Variants in CNTNAP2 observed in about 807,000 individuals in gnomAD.
CNTNAP2 encodes the protein contactin associated protein 2, also known as contactin-associated protein-like 2.
Under a neutral mutation model 155.2 loss-of-function variants are expected in CNTNAP2, and 98 were observed. That is an observed-to-expected ratio of 0.63 (90% CI 0.54 to 0.75). CNTNAP2 has a LOEUF of 0.75. Among genes scored for constraint, CNTNAP2 ranks in the 30% least tolerant of loss-of-function variants. The pLI, the probability that CNTNAP2 is intolerant of heterozygous loss-of-function variation, is 0.00. For synonymous variants in CNTNAP2, 651 were observed against 631.2 expected (o/e 1.03, Z -0.47); for missense variants, 1,727 against 1,688.1 (o/e 1.02, Z -0.40).
At chr7:148,052,521 A>C (rs1802913136) in intron 15 of CNTNAP2, among the ~76,000 whole-genome samples, 1 of 152,236 alleles carries the variant, frequency 6.6e-6, no homozygotes, top group African/African-American at 2.4e-5. Context: ...GCAATTTTGC[A>C]AGACAGATCA....
chr7:147,887,198 G>A (rs1035580985), intron 13 of CNTNAP2, among the ~76,000 whole-genome samples: 17 of 152,306 alleles, frequency 1.1e-4, no homozygotes, highest in African/African-American at 3.1e-4. Flanking sequence ...AAGGCCAGGC[G>A]TGGTGGCTCA....
intron 10 of CNTNAP2, among the ~76,000 whole-genome samples, chr7:147,446,691 G>A (rs1435191751): frequency 1.3e-5 from 2 of 152,212 alleles, no homozygotes; most frequent in African/African-American, 4.8e-5. Context: ...CATACAGTGA[G>A]TATTCAGTTA....
chr7:148,094,594 G>A (rs949998881), intron 15 of CNTNAP2, among the ~76,000 whole-genome samples: 3 of 152,210 alleles, frequency 2.0e-5, no homozygotes, highest in African/African-American at 7.2e-5. Context: ...GATAACAGAG[G>A]ATGACTGGAG....
At chr7:146,972,110 C>T (rs1411054302) in intron 3 of CNTNAP2, among the ~76,000 whole-genome samples, 1 of 152,018 alleles carries the variant, frequency 6.6e-6, no homozygotes, top group Non-Finnish European at 1.5e-5. Context: ...AATTAATGGT[C>T]ATTGTAATGT....
intron 15 of CNTNAP2, among the ~76,000 whole-genome samples, chr7:148,117,394 G>C (rs1353206555): frequency 6.6e-6 from 1 of 152,188 alleles, no homozygotes; most frequent in Non-Finnish European, 1.5e-5. Flanking sequence ...TGAGGAAACT[G>C]CCCTAGCCTA....
chr7:147,157,664 A>G (rs1348658129), intron 8 of CNTNAP2, among the ~76,000 whole-genome samples: 1 of 152,034 alleles, frequency 6.6e-6, no homozygotes, highest in Non-Finnish European at 1.5e-5. Context: ...CTTTTTGAAA[A>G]TTAGGCTTCC....
intron 1 of CNTNAP2, among the ~76,000 whole-genome samples, chr7:146,239,439 C>T (rs1057450028): frequency 6.6e-6 from 1 of 152,094 alleles, no homozygotes. Flanking sequence ...CTGAAATAGT[C>T]GCAGTTAGTG....
intron 13 of CNTNAP2, among the ~76,000 whole-genome samples, chr7:147,836,547 A>G (rs1446934760): frequency 6.6e-6 from 1 of 152,094 alleles, no homozygotes; most frequent in Non-Finnish European, 1.5e-5. Flanking sequence ...TCAGCCCCAC[A>G]CATACACTCT....
At chr7:147,515,449 A>C (rs2116697117) in intron 11 of CNTNAP2, among the ~76,000 whole-genome samples, 1 of 151,056 alleles carries the variant, frequency 6.6e-6, no homozygotes, top group African/African-American at 2.4e-5. Flanking sequence ...CAGCCTCCCA[A>C]GTAGCTGGGA....
chr7:147,534,154 T>C (rs1799500553), intron 11 of CNTNAP2, among the ~76,000 whole-genome samples: 1 of 152,162 alleles, frequency 6.6e-6, no homozygotes. Context: ...CATTTGGCAA[T>C]GCCTAGAGAC....
At chr7:147,895,052 A>T (rs551852089) in intron 13 of CNTNAP2, among the ~76,000 whole-genome samples, 1 of 136,420 alleles carries the variant, frequency 7.3e-6, no homozygotes, top group African/African-American at 2.8e-5. Context: ...CTCACTGCAA[A>T]CTCCACCTCC....
intron 1 of CNTNAP2, among the ~76,000 whole-genome samples, chr7:146,643,446 G>A (rs1340401115): frequency 6.6e-6 from 1 of 152,008 alleles, no homozygotes; most frequent in Non-Finnish European, 1.5e-5. Context: ...TTTTTCTCAG[G>A]TTTGTCAAAG....
chr7:146,793,673 G>A (rs141589581), intron 2 of CNTNAP2, among the ~76,000 whole-genome samples: 63 of 152,316 alleles, frequency 4.1e-4, no homozygotes, highest in Admixed American at 9.2e-4. Context: ...AGGGTTTGGG[G>A]GTTCCCCCTG....
At chr7:146,188,836 A>C (rs575528062) in intron 1 of CNTNAP2, among the ~76,000 whole-genome samples, 1 of 152,276 alleles carries the variant, frequency 6.6e-6, no homozygotes, top group Non-Finnish European at 1.5e-5. Context: ...TTGACATCCC[A>C]ATTTGGCTAT....
At chr7:146,661,215 A>G (rs986685348) in intron 1 of CNTNAP2, among the ~76,000 whole-genome samples, 3 of 152,034 alleles carry the variant, frequency 2.0e-5, no homozygotes, top group African/African-American at 7.2e-5. Context: ...TAGCTCATAT[A>G]TCCACAGGCA....
intron 2 of CNTNAP2, among the ~76,000 whole-genome samples, chr7:146,822,237 C>G (rs1431222582): frequency 6.6e-6 from 1 of 152,030 alleles, no homozygotes; most frequent in Non-Finnish European, 1.5e-5. Flanking sequence ...AACCCAACAC[C>G]ACATGTTCTC....
intron 1 of CNTNAP2, among the ~76,000 whole-genome samples, chr7:146,146,231 TTTA>T (rs576871926): frequency 6.6e-6 from 1 of 152,176 alleles, no homozygotes; most frequent in Non-Finnish European, 1.5e-5. Flanking sequence ...TCAGATGATT[TTTA>T]TTATGCAAAC....
intron 14 of CNTNAP2, among the ~76,000 whole-genome samples, chr7:147,942,157 G>A (rs1016707893): frequency 1.3e-5 from 2 of 152,174 alleles, no homozygotes; most frequent in Non-Finnish European, 2.9e-5. Context: ...GAAAAGTGGT[G>A]CTAGAGGTTC....
At chr7:146,436,834 G>T (rs1621321) in intron 1 of CNTNAP2, among the ~76,000 whole-genome samples, 5,664 of 151,662 alleles carry the variant, frequency 0.037, 613 homozygotes, top group African/African-American at 0.13. Flanking sequence ...ATTAAAGAAT[G>T]GAGAATATAA....
Sources: gnomAD v4.1 joint callset for allele counts (sites outside exome capture counted in the v4.1 genomes callset) on GRCh38, gnomAD v4.1.1 for gene constraint, MANE v1.5 for transcripts, NCBI Gene and HGNC (gene_info 2026-07-23, HGNC 2026-07-21) for gene names.